Variants in PCDHA5 observed in about 807,000 individuals in gnomAD.
The protein encoded by PCDHA5 is protocadherin alpha 5, also known as protocadherin alpha-5.
PCDHA5 carries 43 observed loss-of-function variants against 61.6 expected under a neutral mutation model. The observed-to-expected ratio is 0.70, with a 90% CI of 0.55 to 0.90. The LOEUF is 0.90. Ranked by LOEUF, PCDHA5 falls within the 40% of genes least tolerant of loss-of-function variation. PCDHA5 has a pLI of 0.00. For missense variants in PCDHA5, 1,298 were observed against 1,222.7 expected (o/e 1.06, Z -0.92); for synonymous variants, 627 against 543.9 (o/e 1.15, Z -2.13).
intron 1 of PCDHA5, chr5:140,829,680 T>G: frequency 6.2e-7 from 1 of 1,613,216 alleles, no homozygotes; most frequent in Non-Finnish European, 8.5e-7. Flanking sequence ...GAGCTAGAGC[T>G]GCTGCAGTTT....
At chr5:140,926,772 G>A in intron 1 of PCDHA5, 1 of 1,380,738 alleles carries the variant, frequency 7.2e-7, no homozygotes, top group Non-Finnish European at 9.4e-7. Context: ...CCAGCCCGCA[G>A]CAGTGACGGC....
rs553859456 is a variant in PCDHA5 at position 140,938,056 on chromosome 5, A to G, written c.2353-40893A>G. Among the ~76,000 whole-genome samples, 1,107 of 152,294 alleles carry G rather than the reference A, an allele frequency of 7.3e-3. 4 individuals carry two copies. Among genetic ancestry groups the G allele is most frequent in the Admixed American group, 0.012 (189 of 15,304 alleles). ...TTTATATTTTGGGTTTTCTACATATACTGTCATGCTATTCCCAAATAATGT... is the reference window on the plus strand; with the variant it reads ...TTTATATTTTGGGTTTTCTACATATGCTGTCATGCTATTCCCAAATAATGT... On this transcript the variant is annotated intron_variant, in intron 1 of 3. Coordinates refer to ENST00000529859, the MANE Select transcript of PCDHA5 (RefSeq NM_018908.3).
At chr5:140,870,439 G>A (rs374343977) in intron 1 of PCDHA5, 5 of 1,614,126 alleles carry the variant, frequency 3.1e-6, no homozygotes, top group African/African-American at 2.7e-5. Flanking sequence ...GGAGGTGGCC[G>A]ACGTGAACGA....
chr5:140,890,608 G>A (rs1451973329), intron 1 of PCDHA5, among the ~76,000 whole-genome samples: 1 of 152,026 alleles, frequency 6.6e-6, no homozygotes, highest in African/African-American at 2.4e-5. Flanking sequence ...AATAGCTAGT[G>A]CTTACCCTAG....
At chr5:140,851,732 T>C in intron 1 of PCDHA5, 2 of 971,434 alleles carry the variant, frequency 2.1e-6, no homozygotes, top group Non-Finnish European at 2.5e-6. Context: ...CGAGTTCTTT[T>C]GAAATTCAGA....
chr5:140,921,151 ATTT>A (rs11299094), intron 1 of PCDHA5, among the ~76,000 whole-genome samples: 3 of 151,512 alleles, frequency 2.0e-5, no homozygotes, highest in South Asian at 2.1e-4. Context: ...CAGCTAATGC[ATTT>A]TTTTTTTAAC....
At chr5:140,836,639 G>A in intron 1 of PCDHA5, 1 of 1,613,412 alleles carries the variant, frequency 6.2e-7, no homozygotes. Context: ...CATTCTCCCA[G>A]CAGAGGCGGC....
At chr5:140,968,437 A>G (rs1267054987) in intron 1 of PCDHA5, 2 of 1,614,072 alleles carry the variant, frequency 1.2e-6, no homozygotes, top group Admixed American at 3.3e-5. Context: ...AGGGGAGCCC[A>G]CCACTGAGCA....
intron 1 of PCDHA5, among the ~76,000 whole-genome samples, chr5:140,909,116 T>C (rs1273091505): frequency 6.6e-6 from 1 of 152,182 alleles, no homozygotes; most frequent in African/African-American, 2.4e-5. Context: ...ATCAGCAAAA[T>C]GTCATCAAGG....
Position 140,978,986 on chromosome 5 carries a change from C to A in PCDHA5, c.2390C>A (p.Ser797Tyr). The change falls in exon 2 of 4, where the codon TCC becomes TAC. Residue 797 changes from serine (S) to tyrosine (Y), a missense_variant. Ser to Tyr is a moderately radical substitution (Grantham distance 144). Coordinates refer to ENST00000529859, the MANE Select transcript of PCDHA5 (RefSeq NM_018908.3). ...AACCCTGACTGGCGTTACTCTGCCT[C>A]CCTGAGAGCAGGCATGCACAGGTAT... ...QPNPDWRYSA[S>Y]LRAGMHSSVH... is the part of the protein sequence containing the mutation. The A allele has an allele frequency of 6.2e-7, 1 of 1,614,190 alleles. No homozygotes were observed. The highest frequency in any genetic ancestry group is 1.7e-5 in the Admixed American group (1 of 60,026).
At chr5:140,955,506 G>A (rs781377705) in intron 1 of PCDHA5, among the ~76,000 whole-genome samples, 3 of 152,222 alleles carry the variant, frequency 2.0e-5, no homozygotes, top group South Asian at 2.1e-4. Flanking sequence ...GAAGAAAGAC[G>A]TGTTTGCTTT....
chr5:140,877,547 C>T lies in PCDHA5; in HGVS notation c.2352+53420C>T, dbSNP rs782342116. ...GTGGGCGCTGTGGATCCCGAAGCGG[C>T]TCTGGTGGATATTAACGTGTACCTC... On this transcript the variant is annotated intron_variant, in intron 1 of 3. Transcript: ENST00000529859. The T allele has an allele frequency of 2.5e-6, 4 of 1,613,656 alleles. No individual in the cohort carries two copies. The highest frequency in any genetic ancestry group is 1.3e-5 in the African/African-American group (1 of 74,930).
chr5:140,883,184 G>T (rs1341554668), intron 1 of PCDHA5: 10 of 1,613,756 alleles, frequency 6.2e-6, no homozygotes, highest in Non-Finnish European at 8.5e-6. Flanking sequence ...TAGGACAAAA[G>T]GCAAACTAGA....
At chr5:140,884,581 C>A in intron 1 of PCDHA5, 1 of 1,614,184 alleles carries the variant, frequency 6.2e-7, no homozygotes, top group African/African-American at 1.3e-5. Context: ...ACCTCATGGC[C>A]TTCAGTCCCA....
At chr5:140,838,077 AGTGTGTGTG>A (rs1443750865) in intron 1 of PCDHA5, among the ~76,000 whole-genome samples, 47 of 80,696 alleles carry the variant, frequency 5.8e-4, no homozygotes, top group South Asian at 1.3e-3. Flanking sequence ...ATATATATAT[AGTGTGTGTG>A]TGTGTGTGTG....
chr5:140,863,195 C>T (rs782227810), intron 1 of PCDHA5: 17 of 864,950 alleles, frequency 2.0e-5, no homozygotes, highest in Admixed American at 3.7e-5. Context: ...GTGGTGGCGT[C>T]GCTGGCGGAG....
At chr5:140,911,316 A>G (rs1308533373) in intron 1 of PCDHA5, among the ~76,000 whole-genome samples, 1 of 152,186 alleles carries the variant, frequency 6.6e-6, no homozygotes, top group African/African-American at 2.4e-5. Context: ...TCCAAGTTTC[A>G]GGATCCCATT....
rs2150469499 is a variant in PCDHA5 at position 140,850,144 on chromosome 5, C to T, written c.2352+26017C>T. 59 of 1,595,512 alleles carry T rather than the reference C, an allele frequency of 3.7e-5. 6 individuals carry two copies. Among genetic ancestry groups the T allele is most frequent in the Non-Finnish European group, 4.5e-5 (53 of 1,167,848 alleles). On this transcript the variant is annotated intron_variant, in intron 1 of 3. Coordinates refer to ENST00000529859, the MANE Select transcript of PCDHA5 (RefSeq NM_018908.3). ...GTGCCGCCTCTGGGCAGCAACGTGA[C>T]GCTGCAGGTGTTCGTGCTGGACGAG... is the stretch of plus-strand genomic sequence containing the variant.
intron 1 of PCDHA5, among the ~76,000 whole-genome samples, chr5:140,925,899 G>A (rs149135478): frequency 2.0e-5 from 3 of 151,846 alleles, no homozygotes; most frequent in African/African-American, 7.3e-5. Context: ...CACCCAGATC[G>A]TCAAGGGCCG....
Sources: gnomAD v4.1 joint callset for allele counts (sites outside exome capture counted in the v4.1 genomes callset) on GRCh38, gnomAD v4.1.1 for gene constraint, MANE v1.5 for transcripts, NCBI Gene and HGNC (gene_info 2026-07-23, HGNC 2026-07-21) for gene names.